The following EGFR variants were observed in gnomAD, a reference collection of about 807,000 sequenced individuals.
The protein encoded by EGFR is epidermal growth factor receptor.
Under a neutral mutation model 143.0 loss-of-function variants are expected in EGFR, and 58 were observed. That is an observed-to-expected ratio of 0.41 (90% CI 0.33 to 0.50). EGFR has a LOEUF of 0.50. Ranked by LOEUF, EGFR falls within the 20% of genes least tolerant of loss-of-function variation. EGFR has a pLI of 0.39. For missense variants in EGFR, 1,307 were observed against 1,579.0 expected, an observed-to-expected ratio of 0.83 and a Z score of 2.92; for synonymous variants, 613 against 594.4, an observed-to-expected ratio of 1.03 and a Z score of -0.45.
rs748783619 is a variant in EGFR, at chr7:55,194,932, G to A, written c.2701+2091G>A. Among the ~76,000 whole-genome samples, 3 of 152,166 alleles carry A rather than the reference G, an allele frequency of 2.0e-5. No homozygotes were observed. The South Asian group carries it at 6.2e-4, about 32-fold the overall frequency. ...TCTCTACTCTCTAGTCTCTAGTCAAGGTGAATTATTCAATTTAATAAATTA... is the reference window on the plus strand; with the variant it reads ...TCTCTACTCTCTAGTCTCTAGTCAAAGTGAATTATTCAATTTAATAAATTA... On this transcript the variant is annotated intron_variant, in intron 22 of 27. Transcript: ENST00000275493.
intron 1 of EGFR, among the ~76,000 whole-genome samples, chr7:55,124,191 G>A (rs1793383332): frequency 6.6e-6 from 1 of 152,196 alleles, no homozygotes; most frequent in South Asian, 2.1e-4. Context: ...ATGTTTCCCA[G>A]TGCTATTGTC....
At chr7:55,093,553 A>G (rs1240420187) in intron 1 of EGFR, among the ~76,000 whole-genome samples, 3 of 152,192 alleles carry the variant, frequency 2.0e-5, no homozygotes, top group Admixed American at 6.5e-5. Context: ...CCCGACCGTG[A>G]TGCGCCTCAG....
At chr7:55,023,980 C>T (rs1786737151) in intron 1 of EGFR, among the ~76,000 whole-genome samples, 1 of 152,218 alleles carries the variant, frequency 6.6e-6, no homozygotes, top group South Asian at 2.1e-4. Flanking sequence ...TAGGCACAAG[C>T]TGGCCAGTTT....
At chr7:55,203,069 T>G in intron 27 of EGFR, 1 of 286,656 alleles carries the variant, frequency 3.5e-6, no homozygotes, top group Non-Finnish European at 6.5e-6. Flanking sequence ...TTTTAAGCTT[T>G]ATCCAGATAC....
At chr7:55,127,810 A>G (rs539048920) in intron 1 of EGFR, among the ~76,000 whole-genome samples, 124 of 152,078 alleles carry the variant, frequency 8.2e-4, no homozygotes, top group Middle Eastern at 3.4e-3. Flanking sequence ...ACTTAAAAAG[A>G]AAAACAAAAG....
rs1787455048 is a variant in EGFR at position 55,192,749 on chromosome 7, T to G, written c.2626-17T>G. On this transcript the variant is annotated splice_polypyrimidine_tract_variant and intron_variant, in intron 21 of 27. Transcript: ENST00000275493. ...AACTAATAGTTGTCTCACTGCCTCATCTCTCACCATCCCAAGGTGCCTATC... is the reference window on the plus strand; with the variant it reads ...AACTAATAGTTGTCTCACTGCCTCAGCTCTCACCATCCCAAGGTGCCTATC... The G allele has an allele frequency of 6.2e-7, 1 of 1,612,156 alleles. No homozygotes were observed. Among genetic ancestry groups the G allele is most frequent in the African/African-American group, 1.3e-5 (1 of 74,886 alleles).
intron 1 of EGFR, among the ~76,000 whole-genome samples, chr7:55,049,118 T>G (rs1230444406): frequency 6.6e-6 from 1 of 152,244 alleles, no homozygotes; most frequent in Admixed American, 6.5e-5. Context: ...ATTTTGCTGA[T>G]GCAATACAGT....
In EGFR at chr7:55,059,532, C is replaced by T. The variant is rs1242699590; in HGVS notation, c.88+40167C>T. ...TCTTGGTGGTGTACGTTCTTCAGGT[C>T]TGGACAAATCTATAATGACATGCAT... On this transcript the variant is annotated intron_variant, in intron 1 of 27. Transcript: ENST00000275493. Among the ~76,000 whole-genome samples the T allele has an allele frequency of 3.9e-5, 6 of 152,134 alleles. No individual in the cohort carries two copies. In the South Asian group the frequency reaches 6.3e-4, roughly 16 times the overall value.
intron 1 of EGFR, among the ~76,000 whole-genome samples, chr7:55,103,369 T>C (rs1791932325): frequency 6.6e-6 from 1 of 152,248 alleles, no homozygotes; most frequent in Admixed American, 6.5e-5. Context: ...TTTAGTTAAC[T>C]AGACAGTCTC....
chr7:55,109,838 C>T (rs1408353687), intron 1 of EGFR: 1 of 985,344 alleles, frequency 1.0e-6, no homozygotes, highest in Admixed American at 6.1e-5. Context: ...AGCTCTAAAA[C>T]AGTTCTCCAC....
intron 1 of EGFR, among the ~76,000 whole-genome samples, chr7:55,042,999 G>A (rs917998593): frequency 1.1e-4 from 16 of 152,158 alleles, no homozygotes; most frequent in African/African-American, 3.9e-4. Flanking sequence ...CCCTCTATAA[G>A]TATATATATT....
At chr7:55,146,582 C>T (rs2128929359) in intron 3 of EGFR, 24 bp from the exon 4 acceptor site, 5 of 1,613,738 alleles carry the variant, frequency 3.1e-6, no homozygotes, top group Non-Finnish European at 4.2e-6. Context: ...AAAGAGTGCT[C>T]ACCGCAGTTC....
chr7:55,118,122 G>T (rs1467133341), intron 1 of EGFR, among the ~76,000 whole-genome samples: 1 of 152,218 alleles, frequency 6.6e-6, no homozygotes, highest in Admixed American at 6.5e-5. Flanking sequence ...TTCATAAAAT[G>T]CTTAGATGGA....
intron 3 of EGFR, 85 bp from the exon 4 acceptor site, chr7:55,146,521 A>C: frequency 6.3e-7 from 1 of 1,596,950 alleles, no homozygotes; most frequent in Admixed American, 1.7e-5. Flanking sequence ...CTTTAGCAGA[A>C]CATAAATGCG....
chr7:55,121,857 A>C (rs1793226916), intron 1 of EGFR, among the ~76,000 whole-genome samples: 1 of 152,232 alleles, frequency 6.6e-6, no homozygotes. Flanking sequence ...TCTGTGCGAC[A>C]GTGACCTTGA....
intron 1 of EGFR, among the ~76,000 whole-genome samples, chr7:55,031,190 C>T (rs2128863140): frequency 6.6e-6 from 1 of 152,260 alleles, no homozygotes; most frequent in Middle Eastern, 3.4e-3. Flanking sequence ...AGAGGATTGC[C>T]AGGAGAACAC....
At chr7:55,156,995 A>G (rs541357618) in intron 10 of EGFR, 163 bp downstream of exon 10, 2 of 1,484,214 alleles carry the variant, frequency 1.3e-6, no homozygotes, top group African/African-American at 2.8e-5. Flanking sequence ...TTTCTCCTGC[A>G]GGCAAAAGGG....
intron 15 of EGFR, chr7:55,170,541 C>T: frequency 1.2e-6 from 2 of 1,613,334 alleles, no homozygotes; most frequent in South Asian, 1.1e-5. Flanking sequence ...CCTCCTGCCA[C>T]TGAGCCTCAT....
rs371265930 is a variant in EGFR at position 55,154,165 on chromosome 7, C to T, written c.889+13C>T. ...AAGAAGTGTCCCCGTGAGTCCTCCT[C>T]TGTGGGCCCTCTAACTGGTCAGGCA... On this transcript the variant is annotated intron_variant, in intron 7 of 27. Coordinates refer to ENST00000275493, the MANE Select transcript of EGFR (RefSeq NM_005228.5). 193 of 1,614,116 alleles carry T rather than the reference C, an allele frequency of 1.2e-4. 1 individual carries two copies. The highest frequency in any genetic ancestry group is 1.6e-4 in the Non-Finnish European group (183 of 1,180,048).
Sources: gnomAD v4.1 joint callset for allele counts (sites outside exome capture counted in the v4.1 genomes callset) on GRCh38, gnomAD v4.1.1 for gene constraint, MANE v1.5 for transcripts, NCBI Gene and HGNC (gene_info 2026-07-23, HGNC 2026-07-21) for gene names.